Variants in NELL2 observed in about 807,000 individuals in gnomAD.
The protein encoded by NELL2 is protein kinase C-binding protein NELL2.
Under a neutral mutation model 109.6 loss-of-function variants are expected in NELL2, and 41 were observed. The ratio of observed to expected loss-of-function variants is 0.37; its 90% CI spans 0.29 to 0.49. NELL2 has a LOEUF of 0.49. Among genes scored for constraint, NELL2 ranks in the 20% least tolerant of loss-of-function variants. The probability of loss-of-function intolerance (pLI) is 0.98; values close to 1 mark genes in which losing one functional copy is unlikely to be tolerated. For missense variants in NELL2, 900 were observed against 1,008.3 expected, an observed-to-expected ratio of 0.89 and a Z score of 1.45; for synonymous variants, 355 against 344.7, an observed-to-expected ratio of 1.03 and a Z score of -0.33.
At chr12:44,885,890 G>A (rs1945465125) in intron 1 of NELL2, among the ~76,000 whole-genome samples, 1 of 151,640 alleles carries the variant, frequency 6.6e-6, no homozygotes, top group African/African-American at 2.4e-5. Context: ...ATACTATAAA[G>A]CTATAGAAAT....
At chr12:44,586,149 AATTT>A (rs898979113) in intron 15 of NELL2, among the ~76,000 whole-genome samples, 1 of 150,192 alleles carries the variant, frequency 6.7e-6, no homozygotes, top group African/African-American at 2.4e-5. Context: ...AATATATCAC[AATTT>A]ATTTAATTCT....
intron 15 of NELL2, among the ~76,000 whole-genome samples, chr12:44,549,904 A>G (rs1455465071): frequency 1.3e-5 from 2 of 152,218 alleles, no homozygotes; most frequent in African/African-American, 4.8e-5. Context: ...TCTGAAATTC[A>G]TATAGAACCA....
At chr12:44,649,508 T>C (rs1442736664) in intron 13 of NELL2, among the ~76,000 whole-genome samples, 1 of 152,206 alleles carries the variant, frequency 6.6e-6, no homozygotes, top group Non-Finnish European at 1.5e-5. Context: ...CGGAATTCAC[T>C]TTTGGTGCTG....
chr12:44,613,143 C>T (rs1324112241), intron 13 of NELL2, among the ~76,000 whole-genome samples: 3 of 152,002 alleles, frequency 2.0e-5, no homozygotes, highest in Admixed American at 2.0e-4. Flanking sequence ...TAAAATGTCA[C>T]GTATTGTGCG....
At chr12:44,584,154 A>T (rs1167566767) in intron 15 of NELL2, among the ~76,000 whole-genome samples, 2 of 152,204 alleles carry the variant, frequency 1.3e-5, no homozygotes, top group Admixed American at 1.3e-4. Flanking sequence ...TTTTCATAGC[A>T]CCTTCAACTC....
At chr12:44,795,365 G>A (rs1942582444) in intron 3 of NELL2, among the ~76,000 whole-genome samples, 2 of 152,072 alleles carry the variant, frequency 1.3e-5, no homozygotes, top group Admixed American at 1.3e-4. Flanking sequence ...TGAAAATACA[G>A]CTCAGCCTCT....
chr12:44,544,429 A>G (rs1377471268), intron 15 of NELL2, among the ~76,000 whole-genome samples: 1 of 152,152 alleles, frequency 6.6e-6, no homozygotes, highest in Non-Finnish European at 1.5e-5. Context: ...GGATAAACTT[A>G]TGTCCTGTAT....
intron 3 of NELL2, among the ~76,000 whole-genome samples, chr12:44,801,462 G>A (rs967465307): frequency 6.6e-6 from 1 of 152,100 alleles, no homozygotes; most frequent in Admixed American, 6.6e-5. Context: ...GAAGTAGAAA[G>A]CTCATGGTGC....
chr12:44,736,071 C>T (rs1168265905), intron 9 of NELL2, among the ~76,000 whole-genome samples: 3 of 141,544 alleles, frequency 2.1e-5, no homozygotes, highest in South Asian at 2.3e-4. Flanking sequence ...AGCGCAGTGG[C>T]GCGATCTTGA....
At chr12:44,866,889 A>G (rs1945017138) in intron 2 of NELL2, among the ~76,000 whole-genome samples, 1 of 152,096 alleles carries the variant, frequency 6.6e-6, no homozygotes, top group Admixed American at 6.5e-5. Flanking sequence ...TTAAGTGTAT[A>G]TGTCTAGGAA....
chr12:44,648,320 G>A lies in NELL2; in HGVS notation c.1444+17164C>T, dbSNP rs146103389. The stretch of plus-strand genomic sequence containing the variant: ...TCCTCCCTCAGCCCAAAAAAGCTAA[G>A]ACCTTTAGTTCGCCCCAGGTTAAGG... On this transcript the variant is annotated intron_variant, in intron 13 of 19. Transcript: ENST00000429094. Among the ~76,000 whole-genome samples the A allele has an allele frequency of 9.1e-4, 139 of 152,218 alleles. 2 individuals are homozygous for A. Among genetic ancestry groups the A allele is most frequent in the African/African-American group, 3.3e-3 (136 of 41,530 alleles).
chr12:44,831,914 G>T (rs757337771), intron 2 of NELL2, among the ~76,000 whole-genome samples: 3 of 151,996 alleles, frequency 2.0e-5, no homozygotes, highest in Non-Finnish European at 4.4e-5. Context: ...CTGCATTTTG[G>T]GTCTCTTTGT....
At chr12:44,904,058 AT>A (rs1409883402) in intron 1 of NELL2, among the ~76,000 whole-genome samples, 1 of 151,958 alleles carries the variant, frequency 6.6e-6, no homozygotes, top group East Asian at 1.9e-4. Flanking sequence ...ATTAAATTAA[AT>A]TTTAAAAAAA....
chr12:44,599,886 A>G (rs1945132888), intron 15 of NELL2, among the ~76,000 whole-genome samples: 1 of 151,862 alleles, frequency 6.6e-6, no homozygotes, highest in Non-Finnish European at 1.5e-5. Flanking sequence ...CAGACTTCTG[A>G]ACAGAAACCT....
At chr12:44,915,102 C>A (rs1592720077), upstream of NELL2, among the ~76,000 whole-genome samples, 1 of 152,144 alleles carries the variant, frequency 6.6e-6, no homozygotes, top group African/African-American at 2.4e-5. Context: ...CCGCCCACCT[C>A]GGCCTCCCAA....
chr12:44,703,717 A>G lies in NELL2; in HGVS notation c.1318+9T>C. 1 of 1,613,038 alleles carries G rather than the reference A, an allele frequency of 6.2e-7. No homozygotes were observed. The highest frequency in any genetic ancestry group is 8.5e-7 in the Non-Finnish European group (1 of 1,179,382). ...ATACAGCTGAGCTACACATCATTAC[A>G]AGGATTACCTTCACAGTAGGCATTA... On this transcript the variant is annotated intron_variant, in intron 12 of 19. Transcript: ENST00000429094.
intron 15 of NELL2, among the ~76,000 whole-genome samples, chr12:44,587,492 T>C (rs1374138527): frequency 6.6e-6 from 1 of 151,826 alleles, no homozygotes; most frequent in Middle Eastern, 3.2e-3. Context: ...TTTCATAGCT[T>C]GGCCAAGGGA....
chr12:44,861,587 C>T (rs1368441748), intron 2 of NELL2, among the ~76,000 whole-genome samples: 6 of 152,176 alleles, frequency 3.9e-5, no homozygotes, highest in Non-Finnish European at 7.4e-5. Flanking sequence ...CTGGCCCTCA[C>T]TGTCCCAGGC....
chr12:44,527,763 C>CT (rs1789560545), intron 16 of NELL2, among the ~76,000 whole-genome samples: 2 of 152,060 alleles, frequency 1.3e-5, no homozygotes, highest in Admixed American at 1.3e-4. Flanking sequence ...TTATTTTTAT[C>CT]TTTTTTAAAA....
Sources: gnomAD v4.1 joint callset for allele counts (sites outside exome capture counted in the v4.1 genomes callset) on GRCh38, gnomAD v4.1.1 for gene constraint, MANE v1.5 for transcripts, NCBI Gene and HGNC (gene_info 2026-07-23, HGNC 2026-07-21) for gene names.